UGCG: variants seen among roughly 807,000 people sequenced by gnomAD.
The protein encoded by UGCG is ceramide glucosyltransferase.
In UGCG, 10 loss-of-function variants were observed where a neutral mutation model predicts 49.5. The ratio of observed to expected loss-of-function variants is 0.20; its 90% CI spans 0.12 to 0.34. The LOEUF (loss-of-function observed/expected upper bound fraction) is 0.34, where lower values mean the gene tolerates loss of function less well. UGCG is among the 10% of genes least tolerant of loss of function. The pLI is 1.00. For synonymous variants in UGCG, 182 were observed against 158.2 expected (o/e 1.15, Z -1.13); for missense variants, 312 against 483.7 (o/e 0.65, Z 3.33).
intron 2 of UGCG, among the ~76,000 whole-genome samples, chr9:111,919,482 C>CA (rs987881993): frequency 1.2e-4 from 18 of 150,260 alleles, no homozygotes; most frequent in Non-Finnish European, 2.2e-4. Context: ...GACCCTGTCT[C>CA]AAAAAAAACC....
At chr9:111,905,525 G>T (rs1441005098) in intron 1 of UGCG, among the ~76,000 whole-genome samples, 1 of 150,720 alleles carries the variant, frequency 6.6e-6, no homozygotes, top group Non-Finnish European at 1.5e-5. Context: ...GCACAATCTT[G>T]GCTCACTGCA....
chr9:111,921,373 T>G (rs1411307516), intron 2 of UGCG, among the ~76,000 whole-genome samples: 1 of 152,070 alleles, frequency 6.6e-6, no homozygotes, highest in East Asian at 1.9e-4. Context: ...AGTTGTTGAC[T>G]GAGCATGGTG....
intron 1 of UGCG, among the ~76,000 whole-genome samples, chr9:111,898,217 C>T (rs1837701947): frequency 6.6e-6 from 1 of 151,888 alleles, no homozygotes; most frequent in Admixed American, 6.6e-5. Context: ...AAGGTGAAAT[C>T]TGCCTCTGTA....
At chr9:111,924,456 C>G (rs984414657) in intron 3 of UGCG, among the ~76,000 whole-genome samples, 3 of 151,936 alleles carry the variant, frequency 2.0e-5, no homozygotes, top group African/African-American at 4.8e-5. Flanking sequence ...TCAAGTATAC[C>G]ATACATTGTT....
intron 1 of UGCG, among the ~76,000 whole-genome samples, chr9:111,898,928 AG>A (rs2131710764): frequency 6.6e-6 from 1 of 152,336 alleles, no homozygotes; most frequent in East Asian, 1.9e-4. Context: ...GTTTTGTGCA[AG>A]GCACTGTTCT....
intron 1 of UGCG, among the ~76,000 whole-genome samples, chr9:111,911,958 T>A (rs1838013821): frequency 7.1e-5 from 2 of 28,022 alleles, no homozygotes; most frequent in South Asian, 1.2e-3. Context: ...ATATATATAT[T>A]CAACAGGATA....
At chr9:111,906,077 A>AT (rs1210867821) in intron 1 of UGCG, among the ~76,000 whole-genome samples, 1 of 152,182 alleles carries the variant, frequency 6.6e-6, no homozygotes, top group Non-Finnish European at 1.5e-5. Flanking sequence ...AAAAATGCAG[A>AT]TTCCTAGTCT....
intron 4 of UGCG, among the ~76,000 whole-genome samples, chr9:111,925,366 G>A (rs1805199674): frequency 1.3e-5 from 2 of 152,048 alleles, no homozygotes; most frequent in Non-Finnish European, 2.9e-5. Flanking sequence ...TTGCATTTTC[G>A]AACACTCATA....
intron 1 of UGCG, among the ~76,000 whole-genome samples, chr9:111,907,714 T>C (rs1436746520): frequency 6.6e-6 from 1 of 151,248 alleles, no homozygotes; most frequent in Non-Finnish European, 1.5e-5. Context: ...AACCTCCGCC[T>C]CCCGGATTCA....
intron 1 of UGCG, among the ~76,000 whole-genome samples, chr9:111,908,263 A>C (rs559397861): frequency 6.6e-6 from 1 of 152,254 alleles, no homozygotes; most frequent in Admixed American, 6.5e-5. Context: ...GAGTGAATAC[A>C]TGATAGCTAA....
rs10981154 is a variant in UGCG, at chr9:111,916,990, A to G, written c.240+2244A>G. On this transcript the variant is annotated intron_variant, in intron 2 of 8. Coordinates refer to ENST00000374279, the MANE Select transcript of UGCG (RefSeq NM_003358.3). ...TGAGACCCCCACCTTCAAAAAAATA[A>G]AAATTAAAAAATTGAAATAAAAAAT... 2.0e-5 allele frequency among the ~76,000 whole-genome samples: 3 copies of G among 152,052 alleles called. No homozygotes were observed. The East Asian group carries it at 5.9e-4, about 30-fold the overall frequency.
At position 111,900,583 on chromosome 9, in the gene UGCG, C is replaced by A. The variant is rs958064169; in HGVS notation, c.98+3270C>A. The stretch of plus-strand genomic sequence containing the variant: ...TCTTGGCTGACTGCAACCACCGCAT[C>A]CCAGGCTGAAATGATTCTCCTGCTT... On this transcript the variant is annotated intron_variant, in intron 1 of 8. Transcript: ENST00000374279. Among the ~76,000 whole-genome samples the A allele has an allele frequency of 5.9e-5, 9 of 152,264 alleles. 1 individual carries two copies. The Middle Eastern group carries it at 0.017, about 288-fold the overall frequency.
At chr9:111,903,236 C>T (rs769008439) in intron 1 of UGCG, among the ~76,000 whole-genome samples, 24 of 152,078 alleles carry the variant, frequency 1.6e-4, no homozygotes, top group Non-Finnish European at 2.9e-4. Context: ...TTGCAAAAGC[C>T]AAATTTGAAA....
intron 1 of UGCG, among the ~76,000 whole-genome samples, chr9:111,900,588 G>C (rs1837750208): frequency 6.6e-6 from 1 of 152,122 alleles, no homozygotes; most frequent in South Asian, 2.1e-4. Context: ...CGCATCCCAG[G>C]CTGAAATGAT....
chr9:111,919,782 G>C (rs1369116488), intron 2 of UGCG, among the ~76,000 whole-genome samples: 1 of 141,336 alleles, frequency 7.1e-6, no homozygotes, highest in South Asian at 2.2e-4. Flanking sequence ...GTGACAGAGC[G>C]AGACTCCATC....
At chr9:111,926,741 A>C (rs558828080) in intron 5 of UGCG, among the ~76,000 whole-genome samples, 17 of 152,166 alleles carry the variant, frequency 1.1e-4, no homozygotes, top group African/African-American at 3.4e-4. Context: ...TCTTATTGCC[A>C]GCTGAACACA....
chr9:111,932,411 A>G lies in UGCG; in HGVS notation c.1014+52A>G, dbSNP rs560822668. ...GCAGTCCCTTGGTGGAACTAGAACT[A>G]TTTCAATTTAGAAAAAGTTGAAGGA... On this transcript the variant is annotated intron_variant, in intron 8 of 8. Transcript: ENST00000374279. 29 of 1,502,294 alleles carry G rather than the reference A, an allele frequency of 1.9e-5. 1 individual carries two copies. The South Asian group carries it at 3.3e-4, about 17-fold the overall frequency. The allele number at this position is 1,502,294 out of a possible 1,614,324, so 93.1% of individuals were successfully genotyped here.
intron 5 of UGCG, chr9:111,929,257 G>T: frequency 2.7e-6 from 1 of 366,018 alleles, no homozygotes; most frequent in Non-Finnish European, 4.9e-6. Flanking sequence ...ATATCAATGA[G>T]TGATATTTTT....
chr9:111,916,070 C>T (rs1018151534), intron 2 of UGCG, among the ~76,000 whole-genome samples: 3 of 151,876 alleles, frequency 2.0e-5, no homozygotes, highest in Non-Finnish European at 2.9e-5. Context: ...ATTGTATATA[C>T]TTGTTTTTTC....
Sources: allele counts gnomAD v4.1 joint callset (sites outside exome capture counted in the v4.1 genomes callset), GRCh38; gene constraint gnomAD v4.1.1; transcripts MANE v1.5; gene names NCBI Gene and HGNC (gene_info 2026-07-23, HGNC 2026-07-21).